Variants in ULK4 observed in about 807,000 individuals in gnomAD.
ULK4 encodes unc-51 like kinase 4, also known as inactive serine/threonine-protein kinase ULK4.
Under a neutral mutation model 160.6 loss-of-function variants are expected in ULK4, and 133 were observed. The observed-to-expected ratio is 0.83, with a 90% CI of 0.72 to 0.96. The LOEUF (loss-of-function observed/expected upper bound fraction) is 0.96. Ranked by LOEUF, ULK4 falls within the 40% of genes least tolerant of loss-of-function variation. ULK4 has a pLI of 0.00. For synonymous variants in ULK4, 534 were observed against 539.8 expected, an observed-to-expected ratio of 0.99 and a Z score of 0.15; for missense variants, 1,580 against 1,499.5, an observed-to-expected ratio of 1.05 and a Z score of -0.89.
At chr3:41,582,621 G>C (rs574502109) in intron 31 of ULK4, among the ~76,000 whole-genome samples, 9 of 152,268 alleles carry the variant, frequency 5.9e-5, no homozygotes, top group African/African-American at 2.2e-4. Flanking sequence ...ACACGGCCCT[G>C]TTGGCTTCTG....
intron 17 of ULK4, among the ~76,000 whole-genome samples, chr3:41,839,339 CAA>C (rs200195203): frequency 1.3e-5 from 2 of 149,648 alleles, no homozygotes; most frequent in Admixed American, 1.3e-4. Context: ...GACTCTGTCT[CAA>C]AAAAAAGAGT....
At chr3:41,436,099 T>C (rs1014801605) in intron 34 of ULK4, among the ~76,000 whole-genome samples, 8 of 152,178 alleles carry the variant, frequency 5.3e-5, no homozygotes, top group East Asian at 1.9e-4. Context: ...CATACAACCA[T>C]TGTCTTTTTC....
intron 32 of ULK4, among the ~76,000 whole-genome samples, chr3:41,472,756 T>C (rs548632954): frequency 9.4e-4 from 143 of 152,230 alleles, no homozygotes; most frequent in African/African-American, 2.6e-3. Flanking sequence ...GAAATAATAG[T>C]TTCAAATTCT....
chr3:41,260,653 G>A (rs1216304058), intron 35 of ULK4, among the ~76,000 whole-genome samples: 2 of 152,196 alleles, frequency 1.3e-5, no homozygotes, highest in Non-Finnish European at 2.9e-5. Context: ...TGATCACCAA[G>A]GGTAAGGGGG....
chr3:41,877,454 G>T lies in ULK4; in HGVS notation c.1656+6420C>A, dbSNP rs575446372. ...CAATTCTCATGCCCCAGCCTCCCAA[G>T]GAGCCAGGATTACAGGCGTGCATCA... On this transcript the variant is annotated intron_variant, in intron 17 of 36. Coordinates refer to ENST00000301831, the MANE Select transcript of ULK4 (RefSeq NM_017886.4). Among the ~76,000 whole-genome samples the T allele has an allele frequency of 4.6e-5, 7 of 151,834 alleles. No individual in the cohort carries two copies. The South Asian group carries it at 1.5e-3, about 32-fold the overall frequency.
At chr3:41,383,607 C>G (rs78602042) in intron 35 of ULK4, among the ~76,000 whole-genome samples, 14 of 152,154 alleles carry the variant, frequency 9.2e-5, no homozygotes, top group Non-Finnish European at 1.9e-4. Context: ...TAGGAACTTA[C>G]AATTACTATT....
chr3:41,535,927 T>A (rs891373607), intron 32 of ULK4, among the ~76,000 whole-genome samples: 1 of 152,258 alleles, frequency 6.6e-6, no homozygotes, highest in Admixed American at 6.5e-5. Flanking sequence ...AGTCTGAACA[T>A]CCTCCTTAGC....
intron 17 of ULK4, among the ~76,000 whole-genome samples, chr3:41,873,172 A>T (rs1443482733): frequency 6.6e-6 from 1 of 151,808 alleles, no homozygotes; most frequent in Non-Finnish European, 1.5e-5. Flanking sequence ...ATAAGCAAAC[A>T]AACTAACTTG....
chr3:41,618,835 A>C (rs749910572), intron 30 of ULK4, among the ~76,000 whole-genome samples: 66 of 152,128 alleles, frequency 4.3e-4, no homozygotes, highest in Non-Finnish European at 3.1e-4. Flanking sequence ...CTGGCAAATT[A>C]GATAAAGAGT....
intron 2 of ULK4, among the ~76,000 whole-genome samples, chr3:41,947,088 G>A (rs1056798325): frequency 1.3e-5 from 2 of 152,222 alleles, no homozygotes; most frequent in Admixed American, 1.3e-4. Context: ...AGCACTTTGG[G>A]AGGCCGAGGC....
chr3:41,911,549 A>T lies in ULK4; in HGVS notation c.1007T>A (p.Phe336Tyr). Residue 336 changes from phenylalanine (F) to tyrosine (Y), a missense_variant, in exon 10 of 37, where the codon TTC (phenylalanine) becomes TAC (tyrosine). Transcript: ENST00000301831. Reference sequence around the variant, plus strand: ...GCTCAAATAAAACTTACCTAGTCTGAAAGAGTGACCTAGTGGTTGACCACT... The same window carrying T: ...GCTCAAATAAAACTTACCTAGTCTGTAAGAGTGACCTAGTGGTTGACCACT... The part of the protein sequence containing the change: ...HKSGQPLGHS[F>Y]RLENPTEFRP... 6.2e-7 allele frequency: 1 copy of T among 1,613,276 alleles called. No homozygotes were observed. Among genetic ancestry groups the T allele is most frequent in the Non-Finnish European group, 8.5e-7 (1 of 1,179,384 alleles).
intron 13 of ULK4, among the ~76,000 whole-genome samples, chr3:41,899,594 G>A (rs1424208120): frequency 6.6e-6 from 1 of 152,134 alleles, no homozygotes; most frequent in South Asian, 2.1e-4. Context: ...TTAAAACATT[G>A]TAAGATTTTT....
intron 35 of ULK4, among the ~76,000 whole-genome samples, chr3:41,339,307 A>G (rs1235464951): frequency 2.6e-5 from 4 of 152,088 alleles, no homozygotes; most frequent in African/African-American, 9.7e-5. Flanking sequence ...ACTCCCAGAG[A>G]GCTGCCACTA....
intron 31 of ULK4, among the ~76,000 whole-genome samples, chr3:41,591,959 T>C (rs1045721979): frequency 2.0e-5 from 3 of 152,200 alleles, no homozygotes; most frequent in South Asian, 2.1e-4. Flanking sequence ...GCAGGCAGGA[T>C]AGACTGCAGC....
intron 27 of ULK4, among the ~76,000 whole-genome samples, chr3:41,692,765 A>G (rs2036352869): frequency 6.6e-6 from 1 of 152,232 alleles, no homozygotes; most frequent in Non-Finnish European, 1.5e-5. Context: ...ATGTGCTCTG[A>G]AAGCAGAGAC....
chr3:41,540,439 G>C (rs1006493564), intron 32 of ULK4, among the ~76,000 whole-genome samples: 4 of 152,140 alleles, frequency 2.6e-5, no homozygotes, highest in South Asian at 4.1e-4. Context: ...TTCCATCACT[G>C]ATGGGCATTT....
At chr3:41,730,730 T>C (rs1016706634) in intron 22 of ULK4, among the ~76,000 whole-genome samples, 6 of 152,148 alleles carry the variant, frequency 3.9e-5, no homozygotes, top group East Asian at 3.8e-4. Flanking sequence ...CTCCAAAAAA[T>C]TGAAGACAAA....
intron 35 of ULK4, among the ~76,000 whole-genome samples, chr3:41,324,481 G>C (rs1478215220): frequency 2.0e-5 from 3 of 152,118 alleles, no homozygotes; most frequent in African/African-American, 7.2e-5. Context: ...GCCTTATTTT[G>C]CCAGGAAAAG....
chr3:41,686,044 T>A (rs1279460023), intron 27 of ULK4, among the ~76,000 whole-genome samples: 1 of 152,228 alleles, frequency 6.6e-6, no homozygotes, highest in African/African-American at 2.4e-5. Context: ...TATGTGTATA[T>A]GTATATGAAC....
Sources: allele counts gnomAD v4.1 joint callset (sites outside exome capture counted in the v4.1 genomes callset), GRCh38; gene constraint gnomAD v4.1.1; transcripts MANE v1.5; gene names NCBI Gene and HGNC (gene_info 2026-07-23, HGNC 2026-07-21).